The following NMT1 variants were observed in gnomAD, a reference collection of about 807,000 sequenced individuals.
The protein encoded by NMT1 is glycylpeptide N-tetradecanoyltransferase 1.
A neutral mutation model predicts 63.4 loss-of-function variants in NMT1; 12 were observed. The observed-to-expected ratio is 0.19, with a 90% CI of 0.12 to 0.31. The LOEUF is 0.31. Ranked by LOEUF, NMT1 falls within the 10% of genes least tolerant of loss-of-function variation. NMT1 has a pLI of 1.00. For missense variants in NMT1, 432 were observed against 634.6 expected (o/e 0.68, Z 3.43); for synonymous variants, 228 against 234.3 (o/e 0.97, Z 0.25).
chr17:45,088,849 T>A (rs2054070398), intron 3 of NMT1, among the ~76,000 whole-genome samples: 1 of 152,122 alleles, frequency 6.6e-6, no homozygotes, highest in Non-Finnish European at 1.5e-5. Context: ...CTTTCACCTG[T>A]AAATGTAGAA....
At chr17:45,063,946 G>A (rs142720277) in intron 1 of NMT1, among the ~76,000 whole-genome samples, 2,355 of 152,106 alleles carry the variant, frequency 0.015, 56 homozygotes, top group South Asian at 0.069. Flanking sequence ...CATCACTCTG[G>A]GAGGCCGAGG....
intron 1 of NMT1, among the ~76,000 whole-genome samples, chr17:45,078,546 G>A (rs7213273): frequency 0.72 from 109,657 of 152,022 alleles, 40,596 homozygotes; most frequent in African/African-American, 0.89. Flanking sequence ...TAATAACTCC[G>A]AGGCATTTTG....
At position 45,100,861 on chromosome 17, in the gene NMT1, T is replaced by TC. The variant is rs1204075526; in HGVS notation, c.993+1349dup. ...CTAGGCAACAGAGCAAGACTCCGTC[T>TC]CAAAAAAAAAAAAAAAAAAAAAAAA... On this transcript the variant is annotated intron_variant, in intron 8 of 11. Transcript: ENST00000258960. Among the ~76,000 whole-genome samples the TC allele has an allele frequency of 8.2e-4, 12 of 14,642 alleles. No individual in the cohort carries two copies. The East Asian group carries it at 0.019, about 23-fold the overall frequency. 9.6% of individuals were successfully genotyped at this position (14,642 alleles called of 152,430 possible).
intron 1 of NMT1, among the ~76,000 whole-genome samples, chr17:45,064,549 G>A (rs527574104): frequency 2.6e-5 from 4 of 152,324 alleles, no homozygotes; most frequent in African/African-American, 4.8e-5. Context: ...GAGGCCAGGC[G>A]CGGTGGCGCA....
chr17:45,098,355 T>A (rs370799303), intron 6 of NMT1, 27 bp from the exon 7 acceptor site: 1 of 1,607,012 alleles, frequency 6.2e-7, no homozygotes, highest in Non-Finnish European at 8.5e-7. Flanking sequence ...TTAAAAACCT[T>A]GTCACCTGGA....
At chr17:45,068,382 G>C (rs1173916646) in intron 1 of NMT1, among the ~76,000 whole-genome samples, 1 of 152,170 alleles carries the variant, frequency 6.6e-6, no homozygotes, top group Non-Finnish European at 1.5e-5. Flanking sequence ...TGAGACAAGA[G>C]AATCACTTGA....
intron 8 of NMT1, among the ~76,000 whole-genome samples, chr17:45,102,214 A>T (rs2054171063): frequency 6.6e-6 from 1 of 152,194 alleles, no homozygotes; most frequent in South Asian, 2.1e-4. Context: ...AGGCCTGTAA[A>T]CTGTGACACC....
chr17:45,103,717 C>T lies in NMT1; in HGVS notation c.1173C>T (p.Asn391=), dbSNP rs369014766. 2.3e-5 allele frequency: 37 copies of T among 1,612,276 alleles called. No individual in the cohort carries two copies. The highest frequency in any genetic ancestry group is 2.7e-5 in the African/African-American group (2 of 74,844). The change falls in exon 10 of 12, where the codon AAC becomes AAT. Residue 391 remains asparagine (N), a synonymous_variant. Transcript: ENST00000258960. The surrounding 1 kb of genome is among the most constrained non-coding windows in gnomAD (Gnocchi z 4.8). Reference sequence around the variant, plus strand: ...TATTGCCTTCCCTTCAGAACGCAAACGGAGAGGTGACAGATTTCCTGAGCT... The same window carrying T: ...TATTGCCTTCCCTTCAGAACGCAAATGGAGAGGTGACAGATTTCCTGAGCT... The part of the protein sequence containing the change: ...IIDTFVVENA[N]GEVTDFLSFY...
rs1308084346 is a variant in NMT1, at chr17:45,105,729, TGA to T, written c.*93_*94del. On this transcript the variant is annotated 3_prime_UTR_variant, in exon 12 of 12. Coordinates refer to ENST00000258960, the MANE Select transcript of NMT1 (RefSeq NM_021079.5). The surrounding 1 kb of genome is among the most constrained non-coding windows in gnomAD (Gnocchi z 4.2). ...ACTGTTGGTCCAATTTTCACACACG[TGA>T]GAATCCCTGGCAAAGGGAGCAGAAC... 2.3e-5 allele frequency: 30 copies of T among 1,322,646 alleles called. No individual in the cohort carries two copies. The highest frequency in any genetic ancestry group is 3.2e-5 in the Non-Finnish European group (30 of 927,398). 81.9% of individuals were successfully genotyped at this position (1,322,646 alleles called of 1,614,324 possible).
intron 1 of NMT1, among the ~76,000 whole-genome samples, chr17:45,074,188 G>GT (rs1199678987): frequency 6.6e-6 from 1 of 150,484 alleles, no homozygotes; most frequent in Non-Finnish European, 1.5e-5. Context: ...CTTTGAACTT[G>GT]TAACATTTTG....
intron 4 of NMT1, among the ~76,000 whole-genome samples, chr17:45,094,708 T>C (rs1308287412): frequency 6.6e-6 from 1 of 151,692 alleles, no homozygotes; most frequent in Non-Finnish European, 1.5e-5. Flanking sequence ...AAAGATGGTG[T>C]TTCACCATGT....
rs768478521 is a variant in NMT1 at position 45,104,303 on chromosome 17, C to G, written c.1332+427C>G. Reference sequence around the variant, plus strand: ...GTGCTTTGCTGTGGGTTCTGGTAACCTGTGCCCAGCCCAGCCCAGCCTGCT... The same window carrying G: ...GTGCTTTGCTGTGGGTTCTGGTAACGTGTGCCCAGCCCAGCCCAGCCTGCT... On this transcript the variant is annotated intron_variant, in intron 10 of 11. Coordinates refer to ENST00000258960, the MANE Select transcript of NMT1 (RefSeq NM_021079.5). This position sits in a 1 kb window ranked among gnomAD's most constrained non-coding sequence, Gnocchi z 4.2. 12 of 1,180,376 alleles carry G rather than the reference C, an allele frequency of 1.0e-5. No homozygotes were observed. Among genetic ancestry groups the G allele is most frequent in the Non-Finnish European group, 8.5e-6 (8 of 941,702 alleles). 73.1% of individuals were successfully genotyped at this position (1,180,376 alleles called of 1,614,324 possible).
chr17:45,062,558 A>G (rs2053871798), intron 1 of NMT1, among the ~76,000 whole-genome samples: 1 of 152,204 alleles, frequency 6.6e-6, no homozygotes, highest in Admixed American at 6.5e-5. Context: ...ATTATAGTAC[A>G]TATTTTTATT....
chr17:45,102,860 G>A, intron 8 of NMT1, 91 bp from the exon 9 acceptor site: 1 of 1,251,282 alleles, frequency 8.0e-7, no homozygotes, highest in Non-Finnish European at 1.1e-6. Context: ...AATGACCAGG[G>A]ATTCTCTCTT....
intron 2 of NMT1, 92 bp downstream of exon 2, chr17:45,081,844 T>C: frequency 1.1e-6 from 1 of 932,980 alleles, no homozygotes; most frequent in Non-Finnish European, 1.6e-6. Context: ...GGATTGACGT[T>C]CTCCACTGGT....
chr17:45,087,628 TTGG>T (rs797016388), intron 3 of NMT1, among the ~76,000 whole-genome samples: 41 of 152,302 alleles, frequency 2.7e-4, no homozygotes, highest in African/African-American at 9.9e-4. Flanking sequence ...TCTGGACCCA[TTGG>T]TGGCCTAGTT....
Position 45,103,947 on chromosome 17 carries a change from C to A in NMT1, c.1332+71C>A. 1 of 1,603,992 alleles carries A rather than the reference C, an allele frequency of 6.2e-7. No individual in the cohort carries two copies. The highest frequency in any genetic ancestry group is 1.1e-5 in the South Asian group (1 of 90,936). On this transcript the variant is annotated intron_variant, in intron 10 of 11. Coordinates refer to ENST00000258960, the MANE Select transcript of NMT1 (RefSeq NM_021079.5). This position sits in a 1 kb window ranked among gnomAD's most constrained non-coding sequence, Gnocchi z 4.8. Reference sequence around the variant, plus strand: ...CAGTGGAGCCATGGTGAGCACAGCTCCCGGGACGCAGCCTCCCATGGGCTG... The same window carrying A: ...CAGTGGAGCCATGGTGAGCACAGCTACCGGGACGCAGCCTCCCATGGGCTG...
chr17:45,068,450 C>T (rs772796769), intron 1 of NMT1, among the ~76,000 whole-genome samples: 23 of 152,184 alleles, frequency 1.5e-4, no homozygotes, highest in South Asian at 2.1e-4. Context: ...TCAGTCTGGG[C>T]GACAGAGAGA....
At chr17:45,070,519 G>T (rs551289093) in intron 1 of NMT1, among the ~76,000 whole-genome samples, 44 of 152,278 alleles carry the variant, frequency 2.9e-4, no homozygotes, top group African/African-American at 9.6e-4. Context: ...CCGGGCTCAC[G>T]CCATTCTCCT....
Sources: allele counts gnomAD v4.1 joint callset (sites outside exome capture counted in the v4.1 genomes callset), GRCh38; gene constraint gnomAD v4.1.1; non-coding constraint Gnocchi (gnomAD v3.1); transcripts MANE v1.5; gene names NCBI Gene and HGNC (gene_info 2026-07-23, HGNC 2026-07-21).